The following SCN1A variants were observed in gnomAD, a reference collection of about 807,000 sequenced individuals.
SCN1A encodes sodium channel protein type 1 subunit alpha.
SCN1A carries 13 observed loss-of-function variants against 193.7 expected under a neutral mutation model. The observed-to-expected ratio is 0.07, with a 90% CI of 0.04 to 0.11. SCN1A has a LOEUF of 0.11. Ranked by LOEUF, SCN1A falls within the 10% of genes least tolerant of loss-of-function variation. The pLI is 1.00. For missense variants in SCN1A, 1,432 were observed against 2,451.1 expected, an observed-to-expected ratio of 0.58 and a Z score of 8.78; for synonymous variants, 781 against 843.6, an observed-to-expected ratio of 0.93 and a Z score of 1.29.
chr2:166,144,831 A>G (rs1196142548), intron 1 of SCN1A, among the ~76,000 whole-genome samples: 2 of 146,530 alleles, frequency 1.4e-5, no homozygotes, highest in African/African-American at 5.1e-5. Flanking sequence ...TAGAGTTGCT[A>G]TGGGTCTCAG....
chr2:166,031,620 A>G (rs1695564971), intron 19 of SCN1A, among the ~76,000 whole-genome samples: 1 of 152,180 alleles, frequency 6.6e-6, no homozygotes, highest in Non-Finnish European at 1.5e-5. Flanking sequence ...AAAGGCAAAC[A>G]ACAAAAAAAG....
At chr2:166,112,919 T>C (rs1255149700) in intron 2 of SCN1A, among the ~76,000 whole-genome samples, 1 of 152,188 alleles carries the variant, frequency 6.6e-6, no homozygotes, top group African/African-American at 2.4e-5. Context: ...GGATAGCTTC[T>C]CCTACCCTAT....
At chr2:166,058,958 TTCTCG>T (rs1682990510) in intron 4 of SCN1A, among the ~76,000 whole-genome samples, 2 of 152,138 alleles carry the variant, frequency 1.3e-5, no homozygotes, top group African/African-American at 4.8e-5. Flanking sequence ...GTCATTTATT[TTCTCG>T]ATATTTTAAG....
intron 2 of SCN1A, among the ~76,000 whole-genome samples, chr2:166,118,166 C>T (rs1459879773): frequency 6.7e-6 from 1 of 149,260 alleles, no homozygotes; most frequent in East Asian, 2.0e-4. Context: ...GAGAGAGAGT[C>T]AGGGAGAGTA....
chr2:166,014,642 CAA>C (rs77406188), intron 20 of SCN1A, among the ~76,000 whole-genome samples: 37 of 67,264 alleles, frequency 5.5e-4, no homozygotes, highest in Middle Eastern at 8.2e-3. Flanking sequence ...TGCTCCAAGG[CAA>C]AAAAAAAAAA....
Position 166,053,570 on chromosome 2 carries a change from C to T in SCN1A, c.603-627G>A, listed in dbSNP as rs147776504. On this transcript the variant is annotated intron_variant, in intron 7 of 28. Transcript: ENST00000674923. ...AATACTTGATGAGGGTCCAATGCTG[C>T]GCCTATTGTTACTGCCATTTTGTTC... 9.3e-4 allele frequency among the ~76,000 whole-genome samples: 142 copies of T among 152,072 alleles called. 2 individuals carry two copies. The highest frequency in any genetic ancestry group is 3.3e-3 in the African/African-American group (135 of 41,526).
In SCN1A at chr2:165,998,979, TATG is replaced by T. The variant is rs1266849947; in HGVS notation, c.4338+741_4338+743del. On this transcript the variant is annotated intron_variant, in intron 25 of 28. Transcript: ENST00000674923. ...GACTGCAGGGACAGAGGTTATTCTTTATGATGATAAACTAAACAGATGGGACTT... is the reference window on the plus strand; with the variant it reads ...GACTGCAGGGACAGAGGTTATTCTTTATGATAAACTAAACAGATGGGACTT... The T allele has an allele frequency of 2.0e-5, 3 of 151,606 alleles. No individual in the cohort carries two copies. The East Asian group carries it at 5.8e-4, about 30-fold the overall frequency. The allele number at this position is 151,606 out of a possible 1,614,324, so 9.4% of individuals were successfully genotyped here. A position where few individuals can be genotyped will look rare whatever the true frequency, so the allele number is the denominator to read the frequency against.
chr2:166,094,591 A>T (rs1204977581), intron 2 of SCN1A, among the ~76,000 whole-genome samples: 2 of 152,216 alleles, frequency 1.3e-5, no homozygotes, highest in African/African-American at 4.8e-5. Context: ...AAATGCAGAA[A>T]ATAAGTTGGA....
At chr2:166,038,535 A>G (rs552110087) in intron 17 of SCN1A, among the ~76,000 whole-genome samples, 2 of 152,006 alleles carry the variant, frequency 1.3e-5, no homozygotes, top group South Asian at 4.1e-4. Flanking sequence ...ACGGAGTTTC[A>G]CCATGTTGGC....
At chr2:166,116,836 T>G (rs1412624186) in intron 2 of SCN1A, among the ~76,000 whole-genome samples, 2 of 152,116 alleles carry the variant, frequency 1.3e-5, no homozygotes, top group African/African-American at 4.8e-5. Context: ...ATAAATCACA[T>G]GTCAACAAAA....
In SCN1A at chr2:165,986,667, G is replaced by A. The variant is rs944508158; in HGVS notation, c.*4578C>T. 1.5e-4 allele frequency: 21 copies of A among 139,502 alleles called. No homozygotes were observed. The highest frequency in any genetic ancestry group is 5.6e-4 in the African/African-American group (21 of 37,232). The allele number at this position is 139,502 out of a possible 1,614,324, so 8.6% of individuals were successfully genotyped here. A position where few individuals can be genotyped will look rare whatever the true frequency, so the allele number is the denominator to read the frequency against. ...ATACAAAATATGATAGTGTGAACAC[G>A]CAGACATAGGCACTTCAGTAACACA... On this transcript the variant is annotated 3_prime_UTR_variant, in exon 29 of 29. Coordinates refer to ENST00000674923, the MANE Select transcript of SCN1A (RefSeq NM_001165963.4).
chr2:166,124,990 G>T (rs1691072744), intron 2 of SCN1A, among the ~76,000 whole-genome samples: 1 of 152,174 alleles, frequency 6.6e-6, no homozygotes, highest in East Asian at 1.9e-4. Flanking sequence ...GGAAATCTAG[G>T]AATGTGGACA....
At chr2:166,098,725 C>A (rs891060135) in intron 2 of SCN1A, among the ~76,000 whole-genome samples, 1 of 152,098 alleles carries the variant, frequency 6.6e-6, no homozygotes, top group Non-Finnish European at 1.5e-5. Flanking sequence ...AACATCCAAG[C>A]TGAGAGCCAA....
At chr2:166,110,330 C>G (rs1000661785) in intron 2 of SCN1A, among the ~76,000 whole-genome samples, 1 of 152,124 alleles carries the variant, frequency 6.6e-6, no homozygotes, top group Non-Finnish European at 1.5e-5. Flanking sequence ...CCTCATGAAC[C>G]AAACAGTTAG....
intron 1 of SCN1A, among the ~76,000 whole-genome samples, chr2:166,143,252 C>A (rs71426799): frequency 0.089 from 13,327 of 149,134 alleles, 650 homozygotes; most frequent in Middle Eastern, 0.22. Flanking sequence ...CTGCAAGCTC[C>A]GCCTCCCGGG....
At chr2:166,012,434 G>C in intron 21 of SCN1A, 152 bp from the exon 22 acceptor site, 1 of 622,216 alleles carries the variant, frequency 1.6e-6, no homozygotes, top group South Asian at 2.0e-5. Flanking sequence ...CCTCGCAAAG[G>C]TCTTTTACTT....
chr2:165,992,306 G>A lies in SCN1A; in HGVS notation c.4969C>T (p.Arg1657Cys), dbSNP rs121918811. 2 of 1,613,602 alleles carry A rather than the reference G, an allele frequency of 1.2e-6. No individual in the cohort carries two copies. The highest frequency in any genetic ancestry group is 8.5e-7 in the Non-Finnish European group (1 of 1,179,858). ...ATCATCAAAGCAAAGAGCAGCGTGC[G>A]GATCCCCTTTGCTCCTTTGATCAGA... ...LRLIKGAKGI[R>C]TLLFALMMSL... The change falls in exon 29 of 29, where the codon CGC (arginine) becomes TGC (cysteine). Residue 1657 changes from arginine (R) to cysteine (C), a missense_variant. By Grantham distance (180) the Arg-to-Cys change is radical. Transcript: ENST00000674923. This position sits in a 1 kb window ranked among gnomAD's most constrained non-coding sequence, Gnocchi z 6.5.
chr2:165,989,028 CTGTGTG>C lies in SCN1A; in HGVS notation c.*2211_*2216del, dbSNP rs140461403. 0.073 allele frequency: 7,531 copies of C among 103,870 alleles called. 229 individuals are homozygous for C. The highest frequency in any genetic ancestry group is 0.096 in the Non-Finnish European group (4,465 of 46,470). 6.4% of individuals were successfully genotyped at this position (103,870 alleles called of 1,614,324 possible). ...TTTTGTTGTCAACGTGGGTATGCCT[CTGTGTG>C]TGTGTGTGTGTGTGTGTGTGTGTGT... On this transcript the variant is annotated 3_prime_UTR_variant, in exon 29 of 29. Transcript: ENST00000674923.
At chr2:166,094,883 TC>T (rs1234376573) in intron 2 of SCN1A, among the ~76,000 whole-genome samples, 2 of 152,096 alleles carry the variant, frequency 1.3e-5, no homozygotes, top group Admixed American at 6.6e-5. Context: ...CTCCTACCCT[TC>T]CCCTTCAGCT....
Sources: gnomAD v4.1 joint callset for allele counts (sites outside exome capture counted in the v4.1 genomes callset) on GRCh38, gnomAD v4.1.1 for gene constraint, Gnocchi (gnomAD v3.1) non-coding constraint, MANE v1.5 for transcripts, NCBI Gene and HGNC (gene_info 2026-07-23, HGNC 2026-07-21) for gene names.